Variants in WDFY4 observed in about 807,000 individuals in gnomAD.
WDFY4 encodes the protein WD repeat- and FYVE domain-containing protein 4.
Under a neutral mutation model 351.9 loss-of-function variants are expected in WDFY4, and 169 were observed. The observed-to-expected ratio is 0.48, with a 90% CI of 0.42 to 0.55. WDFY4 has a LOEUF of 0.55. Ranked by LOEUF, WDFY4 falls within the 20% of genes least tolerant of loss-of-function variation. WDFY4 has a pLI of 0.00. For missense variants in WDFY4, 3,803 were observed against 3,935.6 expected (o/e 0.97, Z 0.90); for synonymous variants, 1,622 against 1,574.6 (o/e 1.03, Z -0.71).
At chr10:48,811,504 A>T in intron 29 of WDFY4, 35 bp from the exon 30 acceptor site, 1 of 1,547,398 alleles carries the variant, frequency 6.5e-7, no homozygotes, top group Non-Finnish European at 8.7e-7. Context: ...AGCTGTTCTC[A>T]GCTGACTTTT....
intron 19 of WDFY4, among the ~76,000 whole-genome samples, chr10:48,780,723 G>A (rs970432466): frequency 6.6e-6 from 1 of 152,218 alleles, no homozygotes; most frequent in Non-Finnish European, 1.5e-5. Context: ...AGCAGCCATT[G>A]TCAGAGAAGA....
intron 55 of WDFY4, chr10:48,968,688 T>G (rs1164817994): frequency 1.2e-5 from 3 of 255,418 alleles, no homozygotes; most frequent in East Asian, 9.0e-5. Context: ...GGCTAGGGTC[T>G]GAAGAGATGG....
chr10:48,801,390 C>T (rs1262356171), intron 24 of WDFY4: 1 of 408,318 alleles, frequency 2.4e-6, no homozygotes, highest in Non-Finnish European at 5.0e-6. Flanking sequence ...GGTGGGTTCA[C>T]ATCTGACTTT....
At chr10:48,713,586 A>G (rs1401637514) in intron 2 of WDFY4, among the ~76,000 whole-genome samples, 1 of 152,236 alleles carries the variant, frequency 6.6e-6, no homozygotes, top group Non-Finnish European at 1.5e-5. Context: ...GTAATAAGGA[A>G]GAGCCTAATG....
intron 47 of WDFY4, among the ~76,000 whole-genome samples, chr10:48,924,657 GTTTGAC>G (rs1354611147): frequency 6.6e-6 from 1 of 152,166 alleles, no homozygotes; most frequent in African/African-American, 2.4e-5. Context: ...GGCCCAGTTG[GTTTGAC>G]TTTAATTTCT....
intron 25 of WDFY4, among the ~76,000 whole-genome samples, chr10:48,804,562 CAAAA>C (rs58660119): frequency 0.088 from 8,949 of 101,642 alleles, 535 homozygotes; most frequent in East Asian, 0.35. Context: ...TGTGTTAATA[CAAAA>C]AAAAAAAAAA....
intron 20 of WDFY4, among the ~76,000 whole-genome samples, chr10:48,787,558 T>C (rs1483211147): frequency 9.9e-5 from 15 of 152,256 alleles, no homozygotes; most frequent in Admixed American, 7.2e-4. Context: ...AGTATGTTAA[T>C]TCAAACTGGG....
At chr10:48,719,458 C>T (rs932527576) in intron 2 of WDFY4, among the ~76,000 whole-genome samples, 7 of 152,226 alleles carry the variant, frequency 4.6e-5, no homozygotes, top group African/African-American at 1.7e-4. Flanking sequence ...GTCTAATCTG[C>T]TCAACTTTGT....
chr10:48,887,930 A>G (rs1015390664), intron 43 of WDFY4, among the ~76,000 whole-genome samples: 2 of 152,268 alleles, frequency 1.3e-5, no homozygotes, highest in African/African-American at 4.8e-5. Flanking sequence ...AAACTGTAGC[A>G]TATCCATTCA....
At chr10:48,769,530 C>A (rs1253839812) in intron 13 of WDFY4, among the ~76,000 whole-genome samples, 3 of 152,168 alleles carry the variant, frequency 2.0e-5, no homozygotes, top group African/African-American at 7.2e-5. Flanking sequence ...AATCATTAAT[C>A]CAAGTTTGAG....
At chr10:48,957,394 C>G in intron 52 of WDFY4, 112 bp downstream of exon 52, 2 of 1,368,410 alleles carry the variant, frequency 1.5e-6, no homozygotes, top group Non-Finnish European at 2.0e-6. Flanking sequence ...TCCCCAGGAC[C>G]TCAACTTCGG....
intron 53 of WDFY4, among the ~76,000 whole-genome samples, chr10:48,962,265 A>G (rs1020733843): frequency 6.6e-6 from 1 of 152,210 alleles, no homozygotes; most frequent in African/African-American, 2.4e-5. Flanking sequence ...CTCGTATGAC[A>G]TGACTCAAAT....
intron 8 of WDFY4, 126 bp downstream of exon 8, chr10:48,729,715 C>T (rs1309415617): frequency 9.5e-6 from 12 of 1,267,122 alleles, no homozygotes; most frequent in African/African-American, 1.5e-5. Flanking sequence ...TCTGTCACAA[C>T]CTTTGGGGAG....
chr10:48,826,470 T>A (rs1411786176), intron 35 of WDFY4, among the ~76,000 whole-genome samples: 1 of 152,270 alleles, frequency 6.6e-6, no homozygotes, highest in East Asian at 1.9e-4. Flanking sequence ...TGGCTCCATA[T>A]GAATTTTAAA....
chr10:48,831,552 T>C (rs917627397), intron 38 of WDFY4, among the ~76,000 whole-genome samples: 1 of 152,254 alleles, frequency 6.6e-6, no homozygotes, highest in Non-Finnish European at 1.5e-5. Context: ...GACTGTCCAG[T>C]GGCCCAGAAT....
chr10:48,766,625 G>A (rs149783706), intron 13 of WDFY4, among the ~76,000 whole-genome samples: 87 of 152,222 alleles, frequency 5.7e-4, no homozygotes, highest in African/African-American at 1.9e-3. Context: ...AACTAAAAAA[G>A]CAAACAGACA....
chr10:48,946,758 T>C, intron 50 of WDFY4, 102 bp from the exon 51 acceptor site: 1 of 835,610 alleles, frequency 1.2e-6, no homozygotes, highest in South Asian at 1.6e-5. Flanking sequence ...CGTCAATGAA[T>C]ATATGTTTTT....
At chr10:48,960,952 G>A (rs959534663) in intron 53 of WDFY4, among the ~76,000 whole-genome samples, 2 of 152,188 alleles carry the variant, frequency 1.3e-5, no homozygotes, top group African/African-American at 2.4e-5. Context: ...AGGAACACAC[G>A]GGGGGACTTT....
chr10:48,808,076 C>T lies in WDFY4; in HGVS notation c.4838+118C>T, dbSNP rs1482570905. 6.3e-6 allele frequency: 5 copies of T among 790,570 alleles called. No homozygotes were observed. In the East Asian group the frequency reaches 1.6e-4, roughly 25 times the overall value. The allele number at this position is 790,570 out of a possible 1,614,324, so 49.0% of individuals were successfully genotyped here. On this transcript the variant is annotated intron_variant, in intron 28 of 61. Transcript: ENST00000325239. ...GAGTCTGTTTTCTGCAATGTATTTC[C>T]TGCACTAGTCAGAAAGAAAATTATA...
Sources: gnomAD v4.1 joint callset for allele counts (sites outside exome capture counted in the v4.1 genomes callset) on GRCh38, gnomAD v4.1.1 for gene constraint, MANE v1.5 for transcripts, NCBI Gene and HGNC (gene_info 2026-07-23, HGNC 2026-07-21) for gene names.